The following ABHD2 variants were observed in gnomAD, a reference collection of about 807,000 sequenced individuals.
The protein encoded by ABHD2 is monoacylglycerol lipase ABHD2.
ABHD2 carries 20 observed loss-of-function variants against 48.1 expected under a neutral mutation model. The ratio of observed to expected loss-of-function variants is 0.42; its 90% CI spans 0.29 to 0.60. The LOEUF is 0.60. Ranked by LOEUF, ABHD2 falls within the 20% of genes least tolerant of loss-of-function variation. ABHD2 has a pLI of 0.24. For missense variants in ABHD2, 405 were observed against 550.9 expected, an observed-to-expected ratio of 0.74 and a Z score of 2.65; for synonymous variants, 209 against 214.2, an observed-to-expected ratio of 0.98 and a Z score of 0.21.
chr15:89,109,256 C>T (rs191510759), intron 1 of ABHD2, among the ~76,000 whole-genome samples: 8 of 152,338 alleles, frequency 5.3e-5, no homozygotes, highest in Non-Finnish European at 1.0e-4. Flanking sequence ...AGGGGCAACA[C>T]TGGGAGCTCC....
At chr15:89,149,846 G>A (rs1425088030) in intron 3 of ABHD2, among the ~76,000 whole-genome samples, 1 of 152,238 alleles carries the variant, frequency 6.6e-6, no homozygotes, top group Non-Finnish European at 1.5e-5. Flanking sequence ...GCCAAGTGAG[G>A]ACCCATGCAG....
intron 3 of ABHD2, among the ~76,000 whole-genome samples, chr15:89,136,684 C>T (rs115469266): frequency 6.6e-6 from 1 of 152,194 alleles, no homozygotes; most frequent in Non-Finnish European, 1.5e-5. Context: ...AGTTGATTAG[C>T]GTGTTCTTAA....
intron 3 of ABHD2, among the ~76,000 whole-genome samples, chr15:89,141,802 C>G (rs2050407469): frequency 6.6e-6 from 1 of 152,216 alleles, no homozygotes; most frequent in Non-Finnish European, 1.5e-5. Flanking sequence ...CCTCAATAAA[C>G]AGATTTCTAT....
At chr15:89,170,747 T>C (rs1304636414) in intron 5 of ABHD2, among the ~76,000 whole-genome samples, 2 of 152,076 alleles carry the variant, frequency 1.3e-5, no homozygotes, top group Non-Finnish European at 2.9e-5. Flanking sequence ...CAGTGGAAAA[T>C]GATTTCTAAG....
In ABHD2 at chr15:89,189,386, A is replaced by G. The variant is rs765238967; in HGVS notation, c.926+1083A>G. Among the ~76,000 whole-genome samples, 20 of 152,070 alleles carry G rather than the reference A, an allele frequency of 1.3e-4. No individual in the cohort carries two copies. Among genetic ancestry groups the G allele is most frequent in the Non-Finnish European group, 2.6e-4 (18 of 68,012 alleles). Reference sequence around the variant, plus strand: ...CACACACCTGTAGTCCCAGCTGCTTAGGAGGCTGAGACAGGAGGATCACTT... The same window carrying G: ...CACACACCTGTAGTCCCAGCTGCTTGGGAGGCTGAGACAGGAGGATCACTT... On this transcript the variant is annotated intron_variant, in intron 8 of 10. Coordinates refer to ENST00000352732, the MANE Select transcript of ABHD2 (RefSeq NM_152924.5). This position sits in a 1 kb window ranked among gnomAD's most constrained non-coding sequence, Gnocchi z 4.9.
intron 3 of ABHD2, among the ~76,000 whole-genome samples, chr15:89,134,516 T>C (rs573356668): frequency 5.9e-5 from 9 of 152,336 alleles, no homozygotes; most frequent in African/African-American, 1.9e-4. Context: ...CATCAGCAGA[T>C]TGCAGCTTTG....
At chr15:89,046,955 C>T in the ABHD2 span, among the ~76,000 whole-genome samples, 11 of 151,884 alleles carry the variant, frequency 7.2e-5, no homozygotes, top group African/African-American at 2.7e-4. Context: ...AATGTGTTTG[C>T]TCTTGCTTTT....
intron 3 of ABHD2, among the ~76,000 whole-genome samples, chr15:89,135,150 T>C (rs1053097972): frequency 2.0e-5 from 3 of 149,238 alleles, no homozygotes; most frequent in Non-Finnish European, 3.0e-5. Context: ...TTTCTTTTTT[T>C]TTTTTTTTTT....
upstream of ABHD2, chr15:89,088,429 T>G (rs1435585987): frequency 6.5e-6 from 1 of 152,976 alleles, no homozygotes; most frequent in Non-Finnish European, 1.5e-5. The surrounding 1 kb of genome is among the most constrained non-coding windows in gnomAD (Gnocchi z 6.8). Flanking sequence ...GGCAGTTACT[T>G]GGGCGGGGCC....
rs2050329021 is a variant in ABHD2, at chr15:89,137,186, A to G, written c.195-14491A>G. 6.6e-6 allele frequency among the ~76,000 whole-genome samples: 1 copy of G among 152,096 alleles called. No homozygotes were observed. Among genetic ancestry groups the G allele is most frequent in the Admixed American group, 6.5e-5 (1 of 15,272 alleles). ...TTCTTAATAAACTGCCTCCCTACTT[A>G]AAGCATGGTGTCAAAACCAGGTTGA... On this transcript the variant is annotated intron_variant, in intron 3 of 10. Transcript: ENST00000352732. The surrounding 1 kb of genome is among the most constrained non-coding windows in gnomAD (Gnocchi z 4.8).
the ABHD2 span, among the ~76,000 whole-genome samples, chr15:89,060,581 A>G: frequency 6.7e-6 from 1 of 149,198 alleles, no homozygotes; most frequent in Non-Finnish European, 1.5e-5. Context: ...CACATTCTCA[A>G]TGGGCCACCG....
chr15:89,141,624 A>G (rs1430025049), intron 3 of ABHD2, among the ~76,000 whole-genome samples: 1 of 151,382 alleles, frequency 6.6e-6, no homozygotes, highest in Non-Finnish European at 1.5e-5. Context: ...CTCTGTCTCA[A>G]AAAAAAAAGT....
chr15:89,170,031 G>GT (rs148849706), intron 5 of ABHD2, among the ~76,000 whole-genome samples: 3,730 of 98,226 alleles, frequency 0.038, 167 homozygotes, highest in African/African-American at 0.12. Flanking sequence ...TTCACCCCTT[G>GT]TTTTTATCCC....
chr15:89,156,417 C>G (rs8037850), intron 5 of ABHD2, among the ~76,000 whole-genome samples: 10 of 151,900 alleles, frequency 6.6e-5, no homozygotes, highest in Non-Finnish European at 1.5e-4. Flanking sequence ...CACCGCGCCC[C>G]GCCTTTTTAT....
chr15:89,046,586 G>T, the ABHD2 span, among the ~76,000 whole-genome samples: 1 of 151,898 alleles, frequency 6.6e-6, no homozygotes, highest in Admixed American at 6.6e-5. Context: ...CCTGTTATTG[G>T]TCTATTCAGA....
At chr15:89,194,236 G>A (rs1208305483) in intron 10 of ABHD2, among the ~76,000 whole-genome samples, 1 of 152,096 alleles carries the variant, frequency 6.6e-6, no homozygotes, top group Non-Finnish European at 1.5e-5. Context: ...GGTGGCTCAT[G>A]CCTATAAATC....
chr15:89,153,367 A>C (rs2050623200), intron 4 of ABHD2, among the ~76,000 whole-genome samples: 1 of 152,236 alleles, frequency 6.6e-6, no homozygotes, highest in African/African-American at 2.4e-5. Context: ...AGGAGTTCAC[A>C]CTGTGTTTAT....
At chr15:89,048,911 T>C in the ABHD2 span, among the ~76,000 whole-genome samples, 1 of 96,302 alleles carries the variant, frequency 1.0e-5, no homozygotes, top group East Asian at 2.3e-4. Context: ...CAAAGTCATT[T>C]GTTCCGTTGC....
chr15:89,162,691 T>TCCC (rs1174301686), intron 5 of ABHD2, among the ~76,000 whole-genome samples: 4 of 151,242 alleles, frequency 2.6e-5, no homozygotes, highest in Non-Finnish European at 5.9e-5. Context: ...CATCTAAAGC[T>TCCC]CCCCCCCAAC....
Sources: allele counts gnomAD v4.1 joint callset (sites outside exome capture counted in the v4.1 genomes callset), GRCh38; gene constraint gnomAD v4.1.1; non-coding constraint Gnocchi (gnomAD v3.1); transcripts MANE v1.5; gene names NCBI Gene and HGNC (gene_info 2026-07-23, HGNC 2026-07-21).